The following ATP1B1 variants were observed in gnomAD, a reference collection of about 807,000 sequenced individuals.
ATP1B1 encodes ATPase Na+/K+ transporting subunit beta 1, also known as sodium/potassium-transporting ATPase subunit beta-1.
A neutral mutation model predicts 39.6 loss-of-function variants in ATP1B1; 3 were observed. The ratio of observed to expected loss-of-function variants is 0.08; its 90% CI spans 0.03 to 0.20. The LOEUF (loss-of-function observed/expected upper bound fraction) is 0.20, where lower values mean the gene tolerates loss of function less well. Among genes scored for constraint, ATP1B1 ranks in the 10% least tolerant of loss-of-function variants. The pLI is 1.00. For synonymous variants in ATP1B1, 139 were observed against 135.0 expected (o/e 1.03, Z -0.20); for missense variants, 216 against 371.1 (o/e 0.58, Z 3.43).
intron 1 of ATP1B1, chr1:169,110,826 A>T (rs928058464): frequency 2.0e-6 from 1 of 510,078 alleles, no homozygotes; most frequent in Non-Finnish European, 3.0e-6. Context: ...AAACAGGAGG[A>T]TATCATCACT....
chr1:169,110,749 T>C, intron 1 of ATP1B1: 1 of 1,154,554 alleles, frequency 8.7e-7, no homozygotes, highest in Non-Finnish European at 1.1e-6. Flanking sequence ...TCCCCTTGTC[T>C]TGTCCTCCGA....
At chr1:169,112,973 A>G (rs1401967836) in intron 2 of ATP1B1, among the ~76,000 whole-genome samples, 3 of 151,924 alleles carry the variant, frequency 2.0e-5, no homozygotes, top group Admixed American at 6.6e-5. Flanking sequence ...ACTTTGTGGT[A>G]CCATTAGTTG....
At chr1:169,109,939 C>T (rs1657692375) in intron 1 of ATP1B1, among the ~76,000 whole-genome samples, 1 of 152,116 alleles carries the variant, frequency 6.6e-6, no homozygotes, top group African/African-American at 2.4e-5. Context: ...ATACAGAATG[C>T]AGCACTTAAC....
In ATP1B1 at chr1:169,131,531, T is replaced by C; in HGVS notation, c.888T>C (p.Asp296=). The C allele has an allele frequency of 6.2e-7, 1 of 1,613,668 alleles. No homozygotes were observed. The highest frequency in any genetic ancestry group is 8.5e-7 in the Non-Finnish European group (1 of 1,179,806). ...SEKDRFQGRF[D]VKIEVKS ...AAGACCGTTTTCAGGGACGTTTTGA[T>C]GTAAAAATTGAAGTTAAGAGCTGAT... is the stretch of plus-strand genomic sequence containing the variant. Residue 296 remains aspartate, a synonymous_variant, in exon 6 of 6, where the codon GAT becomes GAC. Transcript: ENST00000367815. This position sits in a 1 kb window ranked among gnomAD's most constrained non-coding sequence, Gnocchi z 4.4.
At chr1:169,117,156 C>CG (rs1657868516) in intron 2 of ATP1B1, among the ~76,000 whole-genome samples, 1 of 152,192 alleles carries the variant, frequency 6.6e-6, no homozygotes, top group South Asian at 2.1e-4. Flanking sequence ...TCTCAGCTGA[C>CG]GCGATGTATC....
chr1:169,118,727 A>T (rs898146645), intron 2 of ATP1B1, among the ~76,000 whole-genome samples: 3 of 151,928 alleles, frequency 2.0e-5, no homozygotes, highest in African/African-American at 7.3e-5. Flanking sequence ...ATTTTTTTTA[A>T]AATTGGAAAT....
At chr1:169,114,536 C>T (rs1181782212) in intron 2 of ATP1B1, among the ~76,000 whole-genome samples, 1 of 152,092 alleles carries the variant, frequency 6.6e-6, no homozygotes, top group Non-Finnish European at 1.5e-5. Flanking sequence ...CCATATCAAG[C>T]AGTGGCAATT....
chr1:169,111,650 G>C, intron 2 of ATP1B1, 152 bp downstream of exon 2: 1 of 1,151,756 alleles, frequency 8.7e-7, no homozygotes, highest in Non-Finnish European at 1.2e-6. Flanking sequence ...GCTGCAGCCA[G>C]ATGTCCTACC....
At chr1:169,111,685 G>A (rs1657734788) in intron 2 of ATP1B1, among the ~76,000 whole-genome samples, 187 bp downstream of exon 2, 1 of 152,164 alleles carries the variant, frequency 6.6e-6, no homozygotes. Flanking sequence ...AGCTCCCACG[G>A]GTTGCAGACA....
intron 2 of ATP1B1, among the ~76,000 whole-genome samples, chr1:169,120,945 CT>C (rs1476954777): frequency 1.6e-5 from 2 of 127,810 alleles, no homozygotes; most frequent in Non-Finnish European, 3.4e-5. Context: ...TTTTTCTTTT[CT>C]TTTCTTTTTT....
chr1:169,132,334 G>C lies in ATP1B1; in HGVS notation c.*779G>C. ...GGATCTGCCCATCACTTTGGCTAGT[G>C]ACAGGGCTAATTAATTTGCTTTATA... On this transcript the variant is annotated 3_prime_UTR_variant, in exon 6 of 6. Coordinates refer to ENST00000367815, the MANE Select transcript of ATP1B1 (RefSeq NM_001677.4). 2.1e-6 allele frequency: 1 copy of C among 481,198 alleles called. No individual in the cohort carries two copies. The allele number at this position is 481,198 out of a possible 1,614,324, so 29.8% of individuals were successfully genotyped here.
At chr1:169,119,306 C>T (rs1054365024) in intron 2 of ATP1B1, among the ~76,000 whole-genome samples, 10 of 152,166 alleles carry the variant, frequency 6.6e-5, no homozygotes, top group Non-Finnish European at 1.2e-4. Flanking sequence ...TGATATATAG[C>T]TTAAGGCAAA....
At chr1:169,128,801 C>G (rs574729229) in intron 4 of ATP1B1, among the ~76,000 whole-genome samples, 1 of 152,308 alleles carries the variant, frequency 6.6e-6, no homozygotes, top group Admixed American at 6.5e-5. Context: ...CAGAGGCAGT[C>G]TAGTCTATTG....
chr1:169,124,899 C>T lies in ATP1B1; in HGVS notation c.242C>T (p.Pro81Leu). ...CCTGGTCTAGGATTAACACAGATTCCTCAGATCCAGAAGACTGAAATTTCC... is the reference window on the plus strand; with the variant it reads ...CCTGGTCTAGGATTAACACAGATTCTTCAGATCCAGAAGACTGAAATTTCC... ...RVAPPGLTQI[P>L]QIQKTEISFR... Residue 81 changes from proline to leucine, a missense_variant, in exon 3 of 6, where the codon CCT (proline) becomes CTT (leucine). Physicochemically the swap from Pro to Leu is moderately conservative, Grantham distance 98. Coordinates refer to ENST00000367815, the MANE Select transcript of ATP1B1 (RefSeq NM_001677.4). 6.2e-7 allele frequency: 1 copy of T among 1,613,802 alleles called. No homozygotes were observed. Among genetic ancestry groups the T allele is most frequent in the Non-Finnish European group, 8.5e-7 (1 of 1,179,860 alleles).
intron 2 of ATP1B1, 48 bp from the exon 3 acceptor site, chr1:169,124,836 T>G (rs1034877108): frequency 6.3e-7 from 1 of 1,584,684 alleles, no homozygotes; most frequent in African/African-American, 1.4e-5. Flanking sequence ...TTTTGAATTG[T>G]CTTCGTTTCT....
At chr1:169,130,779 CAAAAAAAAAAAAAAAAA>C (rs57542049) in intron 5 of ATP1B1, among the ~76,000 whole-genome samples, 1 of 73,994 alleles carries the variant, frequency 1.4e-5, no homozygotes, top group African/African-American at 5.7e-5. Flanking sequence ...AAGACTATCT[CAAAAAAAAAAAAAAAAA>C]AAAAAAAAAA....
intron 4 of ATP1B1, 46 bp from the exon 5 acceptor site, chr1:169,129,964 A>G (rs778726023): frequency 6.3e-7 from 1 of 1,584,794 alleles, no homozygotes; most frequent in Non-Finnish European, 8.6e-7. Flanking sequence ...TCAGAAACTT[A>G]AGAAATCATT....
At chr1:169,121,493 C>T (rs554432864) in intron 2 of ATP1B1, among the ~76,000 whole-genome samples, 49 of 152,250 alleles carry the variant, frequency 3.2e-4, no homozygotes, top group African/African-American at 1.0e-3. Context: ...ATGAAAAGCG[C>T]TCAGCATAAT....
At position 169,131,170 on chromosome 1, in the gene ATP1B1, A is replaced by C; in HGVS notation, c.649-122A>C. 16 of 1,247,448 alleles carry C rather than the reference A, an allele frequency of 1.3e-5. No individual in the cohort carries two copies. The South Asian group carries it at 2.3e-4, about 18-fold the overall frequency. The allele number at this position is 1,247,448 out of a possible 1,614,324, so 77.3% of individuals were successfully genotyped here. On this transcript the variant is annotated intron_variant, in intron 5 of 5. Coordinates refer to ENST00000367815, the MANE Select transcript of ATP1B1 (RefSeq NM_001677.4). The surrounding 1 kb of genome is among the most constrained non-coding windows in gnomAD (Gnocchi z 4.4). ...CTCAAGGCTGCAATGGAATAGACTG[A>C]GTAGATGTTCTTTCCTCTCTCAGTA...
Sources: gnomAD v4.1 joint callset for allele counts (sites outside exome capture counted in the v4.1 genomes callset) on GRCh38, gnomAD v4.1.1 for gene constraint, Gnocchi (gnomAD v3.1) non-coding constraint, MANE v1.5 for transcripts, NCBI Gene and HGNC (gene_info 2026-07-23, HGNC 2026-07-21) for gene names.